Variants in CDH13 observed in about 807,000 individuals in gnomAD.
CDH13 encodes the protein cadherin-13.
A neutral mutation model predicts 63.8 loss-of-function variants in CDH13; 24 were observed. The observed-to-expected ratio is 0.38, with a 90% CI of 0.27 to 0.53. The LOEUF (loss-of-function observed/expected upper bound fraction) is 0.53, where lower values mean the gene tolerates loss of function less well. CDH13 is among the 20% of genes least tolerant of loss of function. The pLI is 0.85. For missense variants in CDH13, 1,049 were observed against 903.1 expected, an observed-to-expected ratio of 1.16 and a Z score of -2.07; for synonymous variants, 503 against 355.3, an observed-to-expected ratio of 1.42 and a Z score of -4.67.
chr16:83,294,910 C>T (rs776244428), intron 5 of CDH13, among the ~76,000 whole-genome samples: 2 of 151,934 alleles, frequency 1.3e-5, no homozygotes, highest in Non-Finnish European at 2.9e-5. Flanking sequence ...CACAAAAGAC[C>T]ATGGATAGCC....
At chr16:83,157,956 C>G (rs1051790273) in intron 4 of CDH13, among the ~76,000 whole-genome samples, 7 of 151,864 alleles carry the variant, frequency 4.6e-5, no homozygotes, top group African/African-American at 1.7e-4. Context: ...AATGTGTCCT[C>G]AAAGCTTCCT....
intron 8 of CDH13, among the ~76,000 whole-genome samples, chr16:83,604,618 G>C (rs1294998065): frequency 6.6e-6 from 1 of 152,042 alleles, no homozygotes; most frequent in Non-Finnish European, 1.5e-5. Flanking sequence ...TTTTTTTCTA[G>C]GCTACCTTAT....
At chr16:83,532,283 G>C (rs1341605285) in intron 7 of CDH13, among the ~76,000 whole-genome samples, 1 of 152,144 alleles carries the variant, frequency 6.6e-6, no homozygotes, top group African/African-American at 2.4e-5. Flanking sequence ...CAGTGTAGAA[G>C]TCACTCCTCA....
intron 1 of CDH13, among the ~76,000 whole-genome samples, chr16:82,728,510 TGA>T (rs2033223628): frequency 6.6e-6 from 1 of 152,164 alleles, no homozygotes; most frequent in African/African-American, 2.4e-5. Flanking sequence ...CTATTAAGTT[TGA>T]AATAGTATTA....
chr16:83,549,460 C>T (rs1047765083), intron 7 of CDH13, among the ~76,000 whole-genome samples: 3 of 152,128 alleles, frequency 2.0e-5, no homozygotes, highest in Admixed American at 6.5e-5. Flanking sequence ...GGGATGTGAG[C>T]CTCAGGCTGC....
At chr16:82,906,032 G>A (rs1489485199) in intron 2 of CDH13, among the ~76,000 whole-genome samples, 2 of 152,062 alleles carry the variant, frequency 1.3e-5, no homozygotes, top group Non-Finnish European at 1.5e-5. Flanking sequence ...ATATATACAT[G>A]CATATTTCTA....
chr16:83,527,055 C>G (rs985668880), intron 7 of CDH13, among the ~76,000 whole-genome samples: 3 of 151,980 alleles, frequency 2.0e-5, no homozygotes, highest in African/African-American at 7.2e-5. Flanking sequence ...CACTTGAACC[C>G]ATGAGGCGGA....
intron 1 of CDH13, among the ~76,000 whole-genome samples, chr16:82,718,311 G>C (rs573750621): frequency 1.3e-5 from 2 of 152,266 alleles, no homozygotes; most frequent in Non-Finnish European, 2.9e-5. Flanking sequence ...CTCTTCTGAC[G>C]AGTCACAGGT....
chr16:83,371,419 A>T (rs553807485), intron 6 of CDH13, among the ~76,000 whole-genome samples: 1 of 152,312 alleles, frequency 6.6e-6, no homozygotes, highest in Admixed American at 6.5e-5. Flanking sequence ...ACTGCCCATT[A>T]TAAGCCCTTT....
intron 2 of CDH13, among the ~76,000 whole-genome samples, chr16:83,006,597 G>T (rs544491613): frequency 1.3e-5 from 2 of 152,072 alleles, no homozygotes; most frequent in Admixed American, 6.6e-5. Flanking sequence ...CCCAATGAGG[G>T]TTATTCACTT....
intron 11 of CDH13, among the ~76,000 whole-genome samples, chr16:83,774,375 CT>C (rs950852378): frequency 1.6e-3 from 243 of 147,784 alleles, no homozygotes; most frequent in Non-Finnish European, 1.3e-3. Context: ...AATGCCATTT[CT>C]TTTTTTTTTT....
intron 2 of CDH13, among the ~76,000 whole-genome samples, chr16:83,006,543 A>G (rs947435952): frequency 2.6e-5 from 4 of 151,098 alleles, no homozygotes; most frequent in African/African-American, 9.7e-5. Context: ...CCTCGATAAC[A>G]CCATTCTTGG....
At chr16:82,641,431 T>C (rs1454934236) in intron 1 of CDH13, among the ~76,000 whole-genome samples, 1 of 152,216 alleles carries the variant, frequency 6.6e-6, no homozygotes, top group Non-Finnish European at 1.5e-5. Context: ...GTAGAGCTAA[T>C]GGTAACAGAA....
At chr16:83,540,361 C>T (rs1247612179) in intron 7 of CDH13, among the ~76,000 whole-genome samples, 3 of 152,314 alleles carry the variant, frequency 2.0e-5, no homozygotes, top group Non-Finnish European at 1.5e-5. Context: ...CCCCGATGCG[C>T]AGTGTTTCTT....
intron 1 of CDH13, among the ~76,000 whole-genome samples, chr16:82,787,204 C>T (rs959902903): frequency 1.3e-5 from 2 of 152,170 alleles, no homozygotes; most frequent in Admixed American, 1.3e-4. Context: ...CTCCTGAGAA[C>T]AGATGCTCTA....
intron 1 of CDH13, among the ~76,000 whole-genome samples, chr16:82,855,672 T>G (rs762583093): frequency 2.0e-4 from 31 of 152,162 alleles, no homozygotes; most frequent in Non-Finnish European, 3.8e-4. Context: ...GACAAGGGAA[T>G]CCATGATTCA....
intron 1 of CDH13, among the ~76,000 whole-genome samples, chr16:82,743,678 G>A (rs1044695352): frequency 6.6e-6 from 1 of 152,190 alleles, no homozygotes; most frequent in African/African-American, 2.4e-5. Context: ...TCCTTGGTCA[G>A]CATAAAGCGT....
At chr16:83,707,084 A>G (rs574884653) in intron 10 of CDH13, among the ~76,000 whole-genome samples, 352 of 152,332 alleles carry the variant, frequency 2.3e-3, no homozygotes, top group African/African-American at 8.2e-3. Flanking sequence ...CATTTGCAGG[A>G]CTAAGAAGGA....
chr16:83,024,650 C>A (rs913874590), intron 2 of CDH13, among the ~76,000 whole-genome samples: 1 of 152,148 alleles, frequency 6.6e-6, no homozygotes, highest in Non-Finnish European at 1.5e-5. Flanking sequence ...GTGAAGAAGA[C>A]GACATGAAGA....
Sources: allele counts gnomAD v4.1 joint callset (sites outside exome capture counted in the v4.1 genomes callset), GRCh38; gene constraint gnomAD v4.1.1; transcripts MANE v1.5; gene names NCBI Gene and HGNC (gene_info 2026-07-23, HGNC 2026-07-21).